Variants in URB1 observed in about 807,000 individuals in gnomAD.
URB1 encodes nucleolar pre-ribosomal-associated protein 1.
A neutral mutation model predicts 242.3 loss-of-function variants in URB1; 197 were observed. The ratio of observed to expected loss-of-function variants is 0.81; its 90% CI spans 0.72 to 0.91. URB1 has a LOEUF of 0.91. Among genes scored for constraint, URB1 ranks in the 40% least tolerant of loss-of-function variants. The probability of loss-of-function intolerance (pLI) is 0.00; values close to 1 mark genes in which losing one functional copy is unlikely to be tolerated. For missense variants in URB1, 2,721 were observed against 2,860.5 expected (o/e 0.95, Z 1.11); for synonymous variants, 1,153 against 1,201.8 (o/e 0.96, Z 0.84).
chr21:32,322,996 C>T (rs905291015), intron 32 of URB1, among the ~76,000 whole-genome samples: 5 of 152,200 alleles, frequency 3.3e-5, no homozygotes, highest in Non-Finnish European at 5.9e-5. Flanking sequence ...GCGGGGGAGG[C>T]TCAGACACTA....
Position 32,337,392 on chromosome 21 carries a change from T to A in URB1, c.4621+12A>T. On this transcript the variant is annotated intron_variant, in intron 27 of 38. Coordinates refer to ENST00000382751, the MANE Select transcript of URB1 (RefSeq NM_014825.3). ...TCCCCCTGCTCACACTACCCAGCCC[T>A]CACACCCTCACCTAGGACGCTGAGA... 2 of 1,546,372 alleles carry A rather than the reference T, an allele frequency of 1.3e-6. No individual in the cohort carries two copies. Among genetic ancestry groups the A allele is most frequent in the African/African-American group, 1.4e-5 (1 of 72,808 alleles).
Position 32,319,360 on chromosome 21 carries a change from CCA to C in URB1, c.5647_5648del (p.Trp1883GlyfsTer20). 11 of 1,550,452 alleles carry C rather than the reference CCA, an allele frequency of 7.1e-6. No homozygotes were observed. Among genetic ancestry groups the C allele is most frequent in the East Asian group, 2.4e-5 (1 of 40,842 alleles). On this transcript the variant is annotated frameshift_variant, in exon 36 of 39. Coordinates refer to ENST00000382751, the MANE Select transcript of URB1 (RefSeq NM_014825.3). LOFTEE classifies it high-confidence loss of function. ...CTGCCTTGTCCCCCAGGTTGGTCAC[CCA>C]CAGTGTGTGTAGCAAGGAGATCACA... is the stretch of plus-strand genomic sequence containing the variant. ...SNVISLLHTL[W>X]VTNLGDKAVE... is the part of the protein sequence containing the mutation.
rs565345864 is a variant in URB1 at position 32,328,854 on chromosome 21, T to C, written c.4961-3465A>G. ...GAAAACATGATAGGCTATTTAAAAA[T>C]AGTTATAAATGCCATTCTCTTTGTT... On this transcript the variant is annotated intron_variant, in intron 30 of 38. Coordinates refer to ENST00000382751, the MANE Select transcript of URB1 (RefSeq NM_014825.3). Among the ~76,000 whole-genome samples, 4 of 152,312 alleles carry C rather than the reference T, an allele frequency of 2.6e-5. No homozygotes were observed. In the South Asian group the frequency reaches 8.3e-4, roughly 32 times the overall value.
intron 4 of URB1, among the ~76,000 whole-genome samples, chr21:32,380,086 T>A (rs759465725): frequency 1.2e-4 from 19 of 152,224 alleles, no homozygotes; most frequent in Non-Finnish European, 2.6e-4. Context: ...ACAGAGAAGT[T>A]CTTCCTTCTT....
chr21:32,383,325 T>C (rs979521746), intron 4 of URB1, 97 bp downstream of exon 4: 2 of 1,381,404 alleles, frequency 1.4e-6, no homozygotes, highest in Non-Finnish European at 1.9e-6. Flanking sequence ...TCATTTCATC[T>C]GTGTGGGGAT....
chr21:32,328,573 A>G (rs902076709), intron 30 of URB1, among the ~76,000 whole-genome samples: 2 of 152,266 alleles, frequency 1.3e-5, no homozygotes, highest in Non-Finnish European at 1.5e-5. Context: ...AGACACCTAC[A>G]TAAGTACATA....
intron 10 of URB1, 113 bp downstream of exon 10, chr21:32,366,505 C>A: frequency 1.4e-6 from 2 of 1,448,016 alleles, no homozygotes. Context: ...TCCGAGGCCC[C>A]CTGACAAAAC....
chr21:32,363,240 A>T lies in URB1; in HGVS notation c.1425T>A (p.Asn475Lys). The T allele has an allele frequency of 6.4e-7, 1 of 1,552,098 alleles. No homozygotes were observed. The highest frequency in any genetic ancestry group is 8.7e-7 in the Non-Finnish European group (1 of 1,147,090). ...RALKTVDHCL[N>K]KEVWQESGVY... ...CGCCTGATTCCTGCCACACCTCTTT[A>T]TTCAGGCAGTGGTCAACAGTTTTTA... Residue 475 changes from asparagine to lysine, a missense_variant, in exon 11 of 39, where the codon AAT becomes AAA. Transcript: ENST00000382751.
At position 32,320,533 on chromosome 21, in the gene URB1, G is replaced by A; in HGVS notation, c.5592C>T (p.Ser1864=). The A allele has an allele frequency of 6.5e-7, 1 of 1,549,476 alleles. No individual in the cohort carries two copies. Among genetic ancestry groups the A allele is most frequent in the Non-Finnish European group, 8.7e-7 (1 of 1,145,176 alleles). ...CCTCGCATGCAAAAGGTACTTACTT[G>A]CTTTCAAGGATGTGTAAAATCCATG... ...LLTWILHILE[S]KFLETPLLSN... is the part of the protein sequence containing the mutation. The change falls in exon 35 of 39, where the codon AGC becomes AGT. Residue 1864 remains serine, a splice_region_variant and synonymous_variant. Coordinates refer to ENST00000382751, the MANE Select transcript of URB1 (RefSeq NM_014825.3).
At chr21:32,316,174 C>CG (rs397815997) in intron 38 of URB1, among the ~76,000 whole-genome samples, 9 of 151,972 alleles carry the variant, frequency 5.9e-5, no homozygotes, top group Non-Finnish European at 1.0e-4. Context: ...AACCCATTGC[C>CG]TGCGGGGTGG....
At chr21:32,352,429 G>A (rs1382372044) in intron 19 of URB1, among the ~76,000 whole-genome samples, 2 of 152,130 alleles carry the variant, frequency 1.3e-5, no homozygotes, top group Admixed American at 6.5e-5. Flanking sequence ...AAGAGGCAAC[G>A]CTCCTGCCCC....
chr21:32,312,234 C>G lies in URB1; in HGVS notation c.*2684G>C. The G allele has an allele frequency of 2.8e-6, 4 of 1,433,368 alleles. No homozygotes were observed. Among genetic ancestry groups the G allele is most frequent in the Non-Finnish European group, 3.6e-6 (4 of 1,096,844 alleles). The allele number at this position is 1,433,368 out of a possible 1,614,324, so 88.8% of individuals were successfully genotyped here. A position where few individuals can be genotyped will look rare whatever the true frequency, so the allele number is the denominator to read the frequency against. ...GCACACCTAGCCTGCTTGCTTACTG[C>G]TTATATTTGCTCAGGGAAGAGTAGG... On this transcript the variant is annotated 3_prime_UTR_variant, in exon 39 of 39. Coordinates refer to ENST00000382751, the MANE Select transcript of URB1 (RefSeq NM_014825.3).
At chr21:32,370,594 A>C (rs1006996199) in intron 8 of URB1, among the ~76,000 whole-genome samples, 3 of 152,208 alleles carry the variant, frequency 2.0e-5, no homozygotes, top group Non-Finnish European at 2.9e-5. Context: ...CCCACTTTAT[A>C]GACAAGATAA....
intron 15 of URB1, 56 bp downstream of exon 15, chr21:32,357,481 A>T: frequency 7.1e-7 from 1 of 1,414,458 alleles, no homozygotes; most frequent in Non-Finnish European, 9.2e-7. Context: ...CACTTACCAT[A>T]AGGAAGATCT....
chr21:32,371,494 T>C (rs766761625), intron 8 of URB1, among the ~76,000 whole-genome samples: 12 of 152,198 alleles, frequency 7.9e-5, no homozygotes, highest in Non-Finnish European at 1.0e-4. Flanking sequence ...ATGAGCTCAT[T>C]CTTACTGATG....
chr21:32,366,912 A>G (rs911971512), intron 9 of URB1, among the ~76,000 whole-genome samples, 157 bp from the exon 10 acceptor site: 2 of 152,204 alleles, frequency 1.3e-5, no homozygotes, highest in Non-Finnish European at 2.9e-5. Context: ...TAACCCTCAA[A>G]TCTACTTGTC....
Position 32,325,277 on chromosome 21 carries a change from C to T in URB1, c.5073G>A (p.Ala1691=), listed in dbSNP as rs1172422965. The change falls in exon 31 of 39, where the codon GCG becomes GCA. Residue 1691 remains alanine, a synonymous_variant. Coordinates refer to ENST00000382751, the MANE Select transcript of URB1 (RefSeq NM_014825.3). ...CGCCCTCCAAGTGCGAGTAGTAGGC[C>T]GCCAGGACATGGTAGGCTATGGCTC... ...QMRAIAYHVL[A]AYYSHLEGAR... 6.4e-6 allele frequency: 10 copies of T among 1,551,678 alleles called. No individual in the cohort carries two copies. The highest frequency in any genetic ancestry group is 8.7e-6 in the Non-Finnish European group (10 of 1,146,992).
At position 32,368,473 on chromosome 21, in the gene URB1, T is replaced by C. The variant is rs2033370731; in HGVS notation, c.1127A>G (p.Lys376Arg). 6.4e-7 allele frequency: 1 copy of C among 1,551,800 alleles called. No homozygotes were observed. Among genetic ancestry groups the C allele is most frequent in the Non-Finnish European group, 8.7e-7 (1 of 1,147,050 alleles). Reference sequence around the variant, plus strand: ...TGGGATAAAGGAAAACGTTACTTCCTTGAAGTATTTGTTCAGTAAGTCCGG... The same window carrying C: ...TGGGATAAAGGAAAACGTTACTTCCCTGAAGTATTTGTTCAGTAAGTCCGG... ...VCPDLLNKYF[K>R]EVTFSFIPRA... The change falls in exon 9 of 39, where the codon AAG (lysine) becomes AGG (arginine). Residue 376 changes from lysine (K) to arginine (R), a missense_variant. Lys to Arg is a conservative substitution (Grantham distance 26, BLOSUM62 2). Transcript: ENST00000382751.
intron 18 of URB1, 36 bp from the exon 19 acceptor site, chr21:32,352,942 G>A (rs1233838804): frequency 1.3e-6 from 2 of 1,504,932 alleles, no homozygotes; most frequent in South Asian, 2.7e-5. Flanking sequence ...GAAGAGGCTG[G>A]CTGGGCCCAC....
Sources: gnomAD v4.1 joint callset for allele counts (sites outside exome capture counted in the v4.1 genomes callset) on GRCh38, gnomAD v4.1.1 for gene constraint, MANE v1.5 for transcripts, NCBI Gene and HGNC (gene_info 2026-07-23, HGNC 2026-07-21) for gene names.